Variants in ELK3 observed in about 807,000 individuals in gnomAD.
The protein encoded by ELK3 is ETS transcription factor ELK3.
In ELK3, 10 loss-of-function variants were observed where a neutral mutation model predicts 28.9. The ratio of observed to expected loss-of-function variants is 0.35; its 90% confidence interval spans 0.21 to 0.59. The LOEUF (loss-of-function observed/expected upper bound fraction) is 0.59, where lower values mean the gene tolerates loss of function less well. Among genes scored for constraint, ELK3 ranks in the 20% least tolerant of loss-of-function variants. The pLI is 0.82. For missense variants in ELK3, 463 were observed against 517.3 expected (o/e 0.90, Z 1.02); for synonymous variants, 272 against 243.5 (o/e 1.12, Z -1.09).
At chr12:96,230,852 G>A (rs1951735737) in intron 2 of ELK3, among the ~76,000 whole-genome samples, 1 of 152,166 alleles carries the variant, frequency 6.6e-6, no homozygotes, top group South Asian at 2.1e-4. Flanking sequence ...CCAGGGTTCC[G>A]CATCCGAGCT....
At chr12:96,259,706 G>A in intron 3 of ELK3, 25 bp from the exon 4 acceptor site, 1 of 1,602,354 alleles carries the variant, frequency 6.2e-7, no homozygotes, top group Non-Finnish European at 8.5e-7. Flanking sequence ...CCTATATGAA[G>A]AAGTCTGTTT....
intron 1 of ELK3, among the ~76,000 whole-genome samples, chr12:96,219,603 G>A (rs1951648289): frequency 6.6e-6 from 1 of 152,152 alleles, no homozygotes; most frequent in Non-Finnish European, 1.5e-5. Flanking sequence ...CTGCCCACCT[G>A]TCCCCCTACC....
At chr12:96,210,511 ACTTCTGTTT>A (rs1403179962) in intron 1 of ELK3, among the ~76,000 whole-genome samples, 1 of 150,642 alleles carries the variant, frequency 6.6e-6, no homozygotes, top group Non-Finnish European at 1.5e-5. Flanking sequence ...AGGCTAGCTC[ACTTCTGTTT>A]CCTCTGACTT....
At chr12:96,231,070 C>T (rs1378085426) in intron 2 of ELK3, among the ~76,000 whole-genome samples, 3 of 152,126 alleles carry the variant, frequency 2.0e-5, no homozygotes, top group African/African-American at 7.2e-5. Context: ...AACCAGAGTC[C>T]GTAGAGGCCT....
At position 96,254,552 on chromosome 12, in the gene ELK3, T is replaced by C. The variant is rs537520566; in HGVS notation, c.1003-5179T>C. ...AAACATGCAGCACAGAGAAGCGCTTTAGGAGCTGAGGGGCAAGATCGTTTA... is the reference window on the plus strand; with the variant it reads ...AAACATGCAGCACAGAGAAGCGCTTCAGGAGCTGAGGGGCAAGATCGTTTA... On this transcript the variant is annotated intron_variant, in intron 3 of 4. Transcript: ENST00000228741. Among the ~76,000 whole-genome samples, 12 of 152,112 alleles carry C rather than the reference T, an allele frequency of 7.9e-5. No individual in the cohort carries two copies. The East Asian group carries it at 2.1e-3, about 27-fold the overall frequency.
intron 1 of ELK3, among the ~76,000 whole-genome samples, chr12:96,197,245 C>T (rs1206386091): frequency 1.3e-5 from 2 of 152,106 alleles, no homozygotes; most frequent in Non-Finnish European, 1.5e-5. Context: ...AATTTTACCT[C>T]CCAGGAGACA....
At chr12:96,209,529 T>C (rs959342698) in intron 1 of ELK3, among the ~76,000 whole-genome samples, 1 of 152,234 alleles carries the variant, frequency 6.6e-6, no homozygotes, top group Non-Finnish European at 1.5e-5. Flanking sequence ...GCTTCTTCTT[T>C]AGCACAGAAA....
intron 3 of ELK3, among the ~76,000 whole-genome samples, chr12:96,252,783 C>T (rs1951917730): frequency 6.6e-6 from 1 of 152,176 alleles, no homozygotes; most frequent in African/African-American, 2.4e-5. Flanking sequence ...GTTGAAGACG[C>T]TGTGAATATT....
chr12:96,242,454 C>G (rs532039987), intron 2 of ELK3, among the ~76,000 whole-genome samples: 1 of 152,216 alleles, frequency 6.6e-6, no homozygotes, highest in African/African-American at 2.4e-5. Flanking sequence ...AATACGTGCT[C>G]AGCACATACT....
At chr12:96,259,418 T>A (rs1951976661) in intron 3 of ELK3, among the ~76,000 whole-genome samples, 1 of 151,906 alleles carries the variant, frequency 6.6e-6, no homozygotes. Flanking sequence ...CGGTGGTGGG[T>A]GCCTGTAATC....
intron 1 of ELK3, among the ~76,000 whole-genome samples, chr12:96,216,986 G>A (rs549993272): frequency 1.3e-5 from 2 of 152,240 alleles, no homozygotes; most frequent in African/African-American, 2.4e-5. Context: ...TGGATGCGAT[G>A]GCTCATGCCT....
intron 1 of ELK3, among the ~76,000 whole-genome samples, chr12:96,199,480 CTGTG>C (rs10678770): frequency 0.05 from 7,291 of 146,432 alleles, 394 homozygotes; most frequent in East Asian, 0.19. Flanking sequence ...ATAAAATTAG[CTGTG>C]TGTGTGTGTG....
At chr12:96,265,137 G>A (rs1952020548) in intron 4 of ELK3, among the ~76,000 whole-genome samples, 1 of 152,190 alleles carries the variant, frequency 6.6e-6, no homozygotes, top group South Asian at 2.1e-4. Context: ...AGAAAAGGTG[G>A]CTGGGGACAA....
At chr12:96,258,269 T>C (rs1399894562) in intron 3 of ELK3, among the ~76,000 whole-genome samples, 1 of 152,224 alleles carries the variant, frequency 6.6e-6, no homozygotes, top group Non-Finnish European at 1.5e-5. Context: ...GGGAAGCTTA[T>C]TCAAAACATG....
At chr12:96,199,751 C>A (rs1332173611) in intron 1 of ELK3, among the ~76,000 whole-genome samples, 3 of 152,116 alleles carry the variant, frequency 2.0e-5, no homozygotes, top group Non-Finnish European at 4.4e-5. Context: ...AAGTCATTGA[C>A]TACTTTATTG....
chr12:96,253,669 A>C (rs1951925108), intron 3 of ELK3, among the ~76,000 whole-genome samples: 1 of 152,194 alleles, frequency 6.6e-6, no homozygotes, highest in South Asian at 2.1e-4. Flanking sequence ...TGTGGGTACA[A>C]CCTGCTAGAC....
At chr12:96,206,054 G>C (rs574099828) in intron 1 of ELK3, among the ~76,000 whole-genome samples, 7 of 152,302 alleles carry the variant, frequency 4.6e-5, no homozygotes, top group African/African-American at 1.7e-4. Context: ...AGGATTGGGG[G>C]TCACGGCTCT....
intron 3 of ELK3, among the ~76,000 whole-genome samples, chr12:96,254,879 AGGCATCGTC>A (rs749596995): frequency 5.0e-4 from 76 of 152,184 alleles, no homozygotes; most frequent in Admixed American, 8.5e-4. Flanking sequence ...AGGGAGAGGA[AGGCATCGTC>A]GGCAGAGGAA....
rs571106053 is a variant in ELK3, at chr12:96,235,214, C to A, written c.207+11441C>A. Among the ~76,000 whole-genome samples, 84 of 148,998 alleles carry A rather than the reference C, an allele frequency of 5.6e-4. 1 individual carries two copies. The highest frequency in any genetic ancestry group is 3.4e-3 in the Middle Eastern group (1 of 292). ...CCTGCACCCCCACAGCCGCCCCCCA[C>A]CCCAGCATCTTCTCAGGCCCCCTCC... is the stretch of plus-strand genomic sequence containing the variant. On this transcript the variant is annotated intron_variant, in intron 2 of 4. Coordinates refer to ENST00000228741, the MANE Select transcript of ELK3 (RefSeq NM_005230.4).
Sources: gnomAD v4.1 joint callset for allele counts (sites outside exome capture counted in the v4.1 genomes callset) on GRCh38, gnomAD v4.1.1 for gene constraint, MANE v1.5 for transcripts, NCBI Gene and HGNC (gene_info 2026-07-23, HGNC 2026-07-21) for gene names.